The following LHFPL6 variants were observed in gnomAD, a reference collection of about 807,000 sequenced individuals.
The protein encoded by LHFPL6 is LHFPL tetraspan subfamily member 6 protein.
Under a neutral mutation model 20.6 loss-of-function variants are expected in LHFPL6, and 9 were observed. The ratio of observed to expected loss-of-function variants is 0.44; its 90% confidence interval spans 0.26 to 0.76. The LOEUF is 0.76. Ranked by LOEUF, LHFPL6 falls within the 30% of genes least tolerant of loss-of-function variation. The pLI is 0.20. For synonymous variants in LHFPL6, 105 were observed against 98.7 expected, an observed-to-expected ratio of 1.06 and a Z score of -0.38; for missense variants, 218 against 253.5, an observed-to-expected ratio of 0.86 and a Z score of 0.95.
intron 2 of LHFPL6, among the ~76,000 whole-genome samples, chr13:39,448,732 T>C (rs1872360165): frequency 6.6e-6 from 1 of 152,214 alleles, no homozygotes; most frequent in South Asian, 2.1e-4. Context: ...ACACTTTTAA[T>C]TTACTGATGT....
At chr13:39,511,012 AC>A (rs1193638132) in intron 2 of LHFPL6, among the ~76,000 whole-genome samples, 1 of 152,112 alleles carries the variant, frequency 6.6e-6, no homozygotes, top group Non-Finnish European at 1.5e-5. Context: ...AGGTGAAATT[AC>A]AGGTGCCCAC....
At chr13:39,581,332 C>T (rs1217047860) in intron 2 of LHFPL6, among the ~76,000 whole-genome samples, 1 of 152,056 alleles carries the variant, frequency 6.6e-6, no homozygotes, top group East Asian at 1.9e-4. Context: ...TCAAAAGGTG[C>T]CACACAGGGA....
At chr13:39,378,649 C>T in intron 2 of LHFPL6, 123 bp from the exon 3 acceptor site, 3 of 632,810 alleles carry the variant, frequency 4.7e-6, no homozygotes, top group South Asian at 2.4e-5. Context: ...CAGCACCAGC[C>T]ACAACTCTTT....
intron 2 of LHFPL6, among the ~76,000 whole-genome samples, chr13:39,583,860 C>T (rs1872364111): frequency 6.6e-6 from 1 of 152,136 alleles, no homozygotes. Flanking sequence ...GACCCATCCT[C>T]CCTCGTGTCC....
At chr13:39,375,109 G>A (rs1275099365) in intron 3 of LHFPL6, among the ~76,000 whole-genome samples, 1 of 152,184 alleles carries the variant, frequency 6.6e-6, no homozygotes, top group Non-Finnish European at 1.5e-5. Flanking sequence ...ACAACCCTTG[G>A]GAGGAAGATG....
chr13:39,590,392 A>C (rs1593376446), intron 2 of LHFPL6, among the ~76,000 whole-genome samples: 1 of 152,298 alleles, frequency 6.6e-6, no homozygotes, highest in East Asian at 1.9e-4. Context: ...GTGCTTCTCA[A>C]ACATACTTGT....
rs547221874 is a variant in LHFPL6, at chr13:39,441,392, C to T, written c.386-62866G>A. On this transcript the variant is annotated intron_variant, in intron 2 of 3. Coordinates refer to ENST00000379589, the MANE Select transcript of LHFPL6 (RefSeq NM_005780.3). ...CTAGACATAGGGATTTAAAATATGG[C>T]TGGGGCAGCAATTTGTAGGACCACC... 1.6e-4 allele frequency among the ~76,000 whole-genome samples: 25 copies of T among 152,036 alleles called. No homozygotes were observed. In the South Asian group the frequency reaches 5.2e-3, roughly 32 times the overall value.
intron 2 of LHFPL6, among the ~76,000 whole-genome samples, chr13:39,475,806 A>G (rs150561942): frequency 4.5e-4 from 69 of 152,308 alleles, no homozygotes; most frequent in African/African-American, 1.5e-3. Context: ...CGGTTCCAGT[A>G]AAAAGTCTAA....
chr13:39,381,085 A>G (rs771364594), intron 2 of LHFPL6, among the ~76,000 whole-genome samples: 6 of 152,208 alleles, frequency 3.9e-5, no homozygotes, highest in Non-Finnish European at 5.9e-5. Context: ...TCCTCCACTC[A>G]GTCCGTGGAA....
At chr13:39,464,784 T>C (rs1872763882) in intron 2 of LHFPL6, among the ~76,000 whole-genome samples, 1 of 150,762 alleles carries the variant, frequency 6.6e-6, no homozygotes, top group Non-Finnish European at 1.5e-5. Flanking sequence ...ATATGACCTA[T>C]TCCAGAGAAC....
chr13:39,491,815 A>G (rs541719684), intron 2 of LHFPL6, among the ~76,000 whole-genome samples: 3 of 152,220 alleles, frequency 2.0e-5, no homozygotes, highest in Admixed American at 1.3e-4. Flanking sequence ...ACTTTGATTA[A>G]TTTTAATTTA....
At chr13:39,507,311 G>C (rs773111603) in intron 2 of LHFPL6, among the ~76,000 whole-genome samples, 14 of 152,172 alleles carry the variant, frequency 9.2e-5, no homozygotes, top group Non-Finnish European at 1.9e-4. Context: ...CAGACAGGAG[G>C]GAAGCTGCAG....
chr13:39,346,947 A>G (rs1403457158), intron 3 of LHFPL6, among the ~76,000 whole-genome samples: 2 of 152,108 alleles, frequency 1.3e-5, no homozygotes, highest in Non-Finnish European at 2.9e-5. Flanking sequence ...GCACACAGAC[A>G]TCAAGCACAC....
chr13:39,496,222 G>A (rs938432193), intron 2 of LHFPL6, among the ~76,000 whole-genome samples: 1 of 152,144 alleles, frequency 6.6e-6, no homozygotes, highest in African/African-American at 2.4e-5. Context: ...CAACATGAAG[G>A]TGGATTTGGT....
At chr13:39,368,546 C>T (rs890728803) in intron 3 of LHFPL6, among the ~76,000 whole-genome samples, 7 of 152,164 alleles carry the variant, frequency 4.6e-5, no homozygotes, top group African/African-American at 1.7e-4. Context: ...CACGCCACTG[C>T]ACTCCAGCCT....
intron 2 of LHFPL6, among the ~76,000 whole-genome samples, chr13:39,411,419 C>T (rs548283739): frequency 1.3e-5 from 2 of 152,168 alleles, no homozygotes; most frequent in Non-Finnish European, 2.9e-5. Flanking sequence ...AGGAGGTGAG[C>T]CACTTTTTGG....
At chr13:39,577,233 T>C (rs1872143579) in intron 2 of LHFPL6, among the ~76,000 whole-genome samples, 1 of 152,188 alleles carries the variant, frequency 6.6e-6, no homozygotes, top group African/African-American at 2.4e-5. Flanking sequence ...CAAATATACC[T>C]GATTTTGCTG....
At chr13:39,555,307 A>G (rs1871271659) in intron 2 of LHFPL6, among the ~76,000 whole-genome samples, 1 of 151,104 alleles carries the variant, frequency 6.6e-6, no homozygotes, top group South Asian at 2.1e-4. Context: ...ACTTTGAAAA[A>G]CAGAGCTCTC....
chr13:39,345,093 T>A (rs1414888040), intron 3 of LHFPL6, among the ~76,000 whole-genome samples: 1 of 152,252 alleles, frequency 6.6e-6, no homozygotes, highest in Non-Finnish European at 1.5e-5. Flanking sequence ...TCTTACCATC[T>A]TATCAGATGA....
Sources: allele counts gnomAD v4.1 joint callset (sites outside exome capture counted in the v4.1 genomes callset), GRCh38; gene constraint gnomAD v4.1.1; transcripts MANE v1.5; gene names NCBI Gene and HGNC (gene_info 2026-07-23, HGNC 2026-07-21).